CALD1: variants seen among roughly 807,000 people sequenced by gnomAD.
The protein encoded by CALD1 is caldesmon 1.
In CALD1, 33 loss-of-function variants were observed where a neutral mutation model predicts 99.9. The observed-to-expected ratio is 0.33, with a 90% CI of 0.25 to 0.44. The LOEUF (loss-of-function observed/expected upper bound fraction) is 0.44. Ranked by LOEUF, CALD1 falls within the 20% of genes least tolerant of loss-of-function variation. The pLI is 1.00. For missense variants in CALD1, 861 were observed against 962.1 expected (o/e 0.89, Z 1.39); for synonymous variants, 310 against 325.0 (o/e 0.95, Z 0.50).
At chr7:134,920,054 A>C (rs1357561255) in intron 3 of CALD1, among the ~76,000 whole-genome samples, 1 of 152,234 alleles carries the variant, frequency 6.6e-6, no homozygotes, top group East Asian at 1.9e-4. Flanking sequence ...CATATAAACA[A>C]AATCATATTT....
At chr7:134,834,720 T>G (rs1799363999) in intron 1 of CALD1, among the ~76,000 whole-genome samples, 1 of 152,212 alleles carries the variant, frequency 6.6e-6, no homozygotes, top group African/African-American at 2.4e-5. Context: ...ACTAGGCACT[T>G]GGAAATCAGC....
chr7:134,889,410 C>T (rs1395893831), intron 3 of CALD1, among the ~76,000 whole-genome samples: 1 of 152,198 alleles, frequency 6.6e-6, no homozygotes, highest in African/African-American at 2.4e-5. Flanking sequence ...TTTTAAAGAG[C>T]CATGTGATTC....
rs1189243625 is a variant in CALD1 at position 134,920,472 on chromosome 7, A to G, written c.72-8282A>G. ...ATCAAATAAAAGTAATTGACTAAGA[A>G]GTCATCCTTTTTTGAGGCTGTGAGC... On this transcript the variant is annotated intron_variant, in intron 3 of 14. Transcript: ENST00000361675. The G allele has an allele frequency of 4.6e-6, 5 of 1,082,148 alleles. No individual in the cohort carries two copies. In the East Asian group the frequency reaches 3.6e-4, roughly 79 times the overall value. The allele number at this position is 1,082,148 out of a possible 1,614,324, so 67.0% of individuals were successfully genotyped here.
At chr7:134,756,279 A>G (rs1796727899) in intron 1 of CALD1, among the ~76,000 whole-genome samples, 1 of 150,110 alleles carries the variant, frequency 6.7e-6, no homozygotes, top group Admixed American at 6.6e-5. Context: ...TCTCAAAAAA[A>G]AAAAAAAAAA....
the CALD1 span, among the ~76,000 whole-genome samples, chr7:134,733,775 C>T: frequency 6.7e-6 from 1 of 148,882 alleles, no homozygotes; most frequent in African/African-American, 2.5e-5. Context: ...CACCACTGCA[C>T]TCCAGCCTGG....
chr7:134,757,635 C>T (rs1232105339), intron 1 of CALD1, among the ~76,000 whole-genome samples: 1 of 152,072 alleles, frequency 6.6e-6, no homozygotes, highest in African/African-American at 2.4e-5. Context: ...AATCCCAGCA[C>T]TTTGGGAGGC....
At chr7:134,830,793 T>C (rs1391049631) in intron 1 of CALD1, among the ~76,000 whole-genome samples, 1 of 152,220 alleles carries the variant, frequency 6.6e-6, no homozygotes, top group African/African-American at 2.4e-5. Flanking sequence ...TCTATAATCT[T>C]GGCAGTGAAT....
intron 13 of CALD1, chr7:134,962,728 C>G (rs1229584535): frequency 2.3e-6 from 1 of 431,544 alleles, no homozygotes. Context: ...TTTGTCTATT[C>G]TTTGTGTCTA....
chr7:134,773,808 G>C (rs1796896133), intron 1 of CALD1, among the ~76,000 whole-genome samples: 1 of 151,610 alleles, frequency 6.6e-6, no homozygotes. Flanking sequence ...GTGTGTGTGT[G>C]TGTGTGTGTG....
At chr7:134,941,308 C>A in intron 7 of CALD1, 71 bp downstream of exon 7, 1 of 1,230,282 alleles carries the variant, frequency 8.1e-7, no homozygotes. Flanking sequence ...GTCAGTCTTC[C>A]CATCCTGTGC....
rs1431151449 is a variant in CALD1, at chr7:134,842,672, T to A, written c.-129-1212T>A. Among the ~76,000 whole-genome samples the A allele has an allele frequency of 2.0e-5, 3 of 152,230 alleles. No homozygotes were observed. The East Asian group carries it at 5.8e-4, about 29-fold the overall frequency. Reference sequence around the variant, plus strand: ...ATCATCTCACCCTCTGCTCTTAGTATCCATTTGGAAAATGCCATCTTTCTG... The same window carrying A: ...ATCATCTCACCCTCTGCTCTTAGTAACCATTTGGAAAATGCCATCTTTCTG... On this transcript the variant is annotated intron_variant, in intron 1 of 14. Coordinates refer to ENST00000361675, the MANE Select transcript of CALD1 (RefSeq NM_033138.4).
intron 1 of CALD1, among the ~76,000 whole-genome samples, chr7:134,795,788 G>A (rs1193418434): frequency 2.0e-5 from 3 of 152,016 alleles, no homozygotes; most frequent in East Asian, 1.9e-4. Context: ...TATGAAGATC[G>A]ATGGTAACAA....
At chr7:134,801,393 C>G (rs1797935797) in intron 1 of CALD1, among the ~76,000 whole-genome samples, 1 of 152,148 alleles carries the variant, frequency 6.6e-6, no homozygotes, top group Non-Finnish European at 1.5e-5. Flanking sequence ...TTTGCTCACC[C>G]TTGCTTCTAG....
chr7:134,947,824 G>C (rs755678520), intron 8 of CALD1, 55 bp downstream of exon 8: 4 of 1,566,224 alleles, frequency 2.6e-6, no homozygotes, highest in African/African-American at 2.8e-5. Context: ...CCCTAGTGCC[G>C]TGCGGCTGTT....
Position 134,970,010 on chromosome 7 carries a change from T to G in CALD1, c.*1665T>G, listed in dbSNP as rs560878290. ...AGAGCTAACCAGGGCAGGGCTGGCA[T>G]GAGAAGTGACATCTGCGTTACAAAG... On this transcript the variant is annotated 3_prime_UTR_variant, in exon 15 of 15. Transcript: ENST00000361675. The G allele has an allele frequency of 2.0e-5, 3 of 152,534 alleles. No homozygotes were observed. The highest frequency in any genetic ancestry group is 6.5e-5 in the Admixed American group (1 of 15,302). 9.4% of individuals were successfully genotyped at this position (152,534 alleles called of 1,614,324 possible). A position where few individuals can be genotyped will look rare whatever the true frequency, so the allele number is the denominator to read the frequency against.
At chr7:134,837,577 G>C (rs1056467508) in intron 1 of CALD1, among the ~76,000 whole-genome samples, 1 of 152,042 alleles carries the variant, frequency 6.6e-6, no homozygotes, top group African/African-American at 2.4e-5. Flanking sequence ...TCAAATTCCC[G>C]ACCTTGTGAT....
intron 1 of CALD1, among the ~76,000 whole-genome samples, chr7:134,761,118 A>G (rs753535763): frequency 3.8e-4 from 58 of 152,346 alleles, no homozygotes; most frequent in Non-Finnish European, 7.1e-4. Flanking sequence ...ATAAATCATT[A>G]GGACATAAGA....
At chr7:134,922,450 C>T (rs1047695546) in intron 3 of CALD1, among the ~76,000 whole-genome samples, 12 of 152,040 alleles carry the variant, frequency 7.9e-5, no homozygotes, top group African/African-American at 2.7e-4. Context: ...GGAGAAAAGA[C>T]AAAATGAAGG....
chr7:134,760,810 G>T, intron 1 of CALD1, among the ~76,000 whole-genome samples: 1 of 152,162 alleles, frequency 6.6e-6, no homozygotes, highest in East Asian at 1.9e-4. Flanking sequence ...CGAAACAAAA[G>T]AACAAAGTTC....
Sources: allele counts gnomAD v4.1 joint callset (sites outside exome capture counted in the v4.1 genomes callset), GRCh38; gene constraint gnomAD v4.1.1; transcripts MANE v1.5; gene names NCBI Gene and HGNC (gene_info 2026-07-23, HGNC 2026-07-21).